Variants in SPOCK3 observed in about 807,000 individuals in gnomAD.
The protein encoded by SPOCK3 is testican-3.
Under a neutral mutation model 56.6 loss-of-function variants are expected in SPOCK3, and 30 were observed. That is an observed-to-expected ratio of 0.53 (90% CI 0.40 to 0.72). SPOCK3 has a LOEUF of 0.72. SPOCK3 is among the 30% of genes least tolerant of loss of function. SPOCK3 has a pLI of 0.00. For synonymous variants in SPOCK3, 196 were observed against 183.3 expected, an observed-to-expected ratio of 1.07 and a Z score of -0.56; for missense variants, 527 against 530.0, an observed-to-expected ratio of 0.99 and a Z score of 0.06.
In SPOCK3 at chr4:166,873,671, CCTTT is replaced by C. The variant is rs542562458; in HGVS notation, c.589+15455_589+15458del. Among the ~76,000 whole-genome samples, 210 of 152,190 alleles carry C rather than the reference CCTTT, an allele frequency of 1.4e-3. 1 individual carries two copies. The highest frequency in any genetic ancestry group is 4.9e-3 in the African/African-American group (203 of 41,522). On this transcript the variant is annotated intron_variant, in intron 6 of 10. Coordinates refer to ENST00000357545, the MANE Select transcript of SPOCK3 (RefSeq NM_001040159.2). ...TCATAGTGTAGATAAATTCTGATGT[CCTTT>C]CTTTAAGATTCCCTGTTACTACTAA...
intron 6 of SPOCK3, among the ~76,000 whole-genome samples, chr4:166,843,518 T>A (rs1013266255): frequency 1.2e-4 from 19 of 152,234 alleles, no homozygotes; most frequent in African/African-American, 4.6e-4. Context: ...GCAGCAAAAA[T>A]TATCTTACTC....
chr4:166,788,063 T>A (rs2126640752), intron 7 of SPOCK3, among the ~76,000 whole-genome samples: 1 of 152,034 alleles, frequency 6.6e-6, no homozygotes, highest in East Asian at 1.9e-4. Flanking sequence ...ACACCAGTAA[T>A]CCCAGCTATT....
intron 2 of SPOCK3, among the ~76,000 whole-genome samples, chr4:167,085,444 AC>A (rs1758107024): frequency 6.6e-6 from 1 of 152,112 alleles, no homozygotes; most frequent in Admixed American, 6.6e-5. Flanking sequence ...TCTTTCCATG[AC>A]CATTTTTAAG....
intron 2 of SPOCK3, among the ~76,000 whole-genome samples, chr4:167,192,965 T>A (rs1309380568): frequency 6.8e-6 from 1 of 146,212 alleles, no homozygotes; most frequent in African/African-American, 2.6e-5. Flanking sequence ...AATACGACAC[T>A]TGAAATAATC....
chr4:166,736,899 T>C (rs886353079), intron 10 of SPOCK3, among the ~76,000 whole-genome samples: 8 of 152,110 alleles, frequency 5.3e-5, no homozygotes, highest in African/African-American at 1.9e-4. Flanking sequence ...AATATATACA[T>C]AAAAAATGCA....
chr4:167,157,302 CAT>C (rs560581134), intron 2 of SPOCK3, among the ~76,000 whole-genome samples: 219 of 152,090 alleles, frequency 1.4e-3, no homozygotes, highest in Middle Eastern at 3.4e-3. Context: ...AGTATTATCT[CAT>C]GACTTCGGAA....
At chr4:166,990,487 A>G (rs1212010731) in intron 4 of SPOCK3, among the ~76,000 whole-genome samples, 1 of 152,120 alleles carries the variant, frequency 6.6e-6, no homozygotes, top group Non-Finnish European at 1.5e-5. Flanking sequence ...AAGATTATTC[A>G]GGCTGAAATA....
At chr4:167,228,480 CAG>C (rs1197094723) in intron 2 of SPOCK3, among the ~76,000 whole-genome samples, 1 of 152,154 alleles carries the variant, frequency 6.6e-6, no homozygotes, top group African/African-American at 2.4e-5. Flanking sequence ...TACCTCCTGA[CAG>C]AGTCTGATAA....
intron 2 of SPOCK3, among the ~76,000 whole-genome samples, chr4:167,134,022 CT>C (rs34410893): frequency 0.18 from 14,617 of 81,326 alleles, 356 homozygotes; most frequent in East Asian, 0.36. Context: ...ACACCTTTTT[CT>C]TTTTTTTTTT....
chr4:166,880,701 C>A (rs987849309), intron 6 of SPOCK3, among the ~76,000 whole-genome samples: 1 of 152,268 alleles, frequency 6.6e-6, no homozygotes, highest in South Asian at 2.1e-4. Context: ...CCTCTCCTTT[C>A]CTAAAGTCAA....
chr4:166,831,096 TTTTAA>T (rs1433889942), intron 6 of SPOCK3, among the ~76,000 whole-genome samples: 2 of 152,184 alleles, frequency 1.3e-5, no homozygotes, highest in East Asian at 1.9e-4. Flanking sequence ...TCTGTAGGAA[TTTTAA>T]TTTGTTATCG....
At chr4:166,899,508 C>CTTCTT (rs1553997548) in intron 5 of SPOCK3, among the ~76,000 whole-genome samples, 1 of 119,100 alleles carries the variant, frequency 8.4e-6, no homozygotes, top group Non-Finnish European at 1.7e-5. Context: ...TTCTTTCTTT[C>CTTCTT]TTTTTTTTTT....
At chr4:167,217,077 TA>T (rs1735434870) in intron 2 of SPOCK3, among the ~76,000 whole-genome samples, 1 of 152,104 alleles carries the variant, frequency 6.6e-6, no homozygotes, top group Admixed American at 6.6e-5. Context: ...AACAATTTGT[TA>T]AACACGGTGA....
chr4:166,924,150 G>C (rs1175793926), intron 4 of SPOCK3, among the ~76,000 whole-genome samples: 3 of 152,082 alleles, frequency 2.0e-5, no homozygotes, highest in Admixed American at 2.0e-4. Flanking sequence ...ACTTGCCTCT[G>C]AATTCAAACA....
At chr4:167,006,044 G>A (rs527660059) in intron 3 of SPOCK3, among the ~76,000 whole-genome samples, 122 of 152,104 alleles carry the variant, frequency 8.0e-4, no homozygotes, top group African/African-American at 2.8e-3. Flanking sequence ...GCATTTGGAT[G>A]GGATATTTTA....
At chr4:167,170,148 A>C (rs1580504177) in intron 2 of SPOCK3, among the ~76,000 whole-genome samples, 1 of 152,166 alleles carries the variant, frequency 6.6e-6, no homozygotes, top group Non-Finnish European at 1.5e-5. Flanking sequence ...TTCAATTCAA[A>C]AGACTAGTCA....
intron 10 of SPOCK3, 110 bp downstream of exon 10, chr4:166,737,357 A>T (rs1734314953): frequency 1.7e-6 from 2 of 1,161,898 alleles, no homozygotes; most frequent in Non-Finnish European, 2.4e-6. Context: ...GATATTCTAC[A>T]GTCTTTGCAT....
At chr4:167,185,940 C>T (rs971130491) in intron 2 of SPOCK3, among the ~76,000 whole-genome samples, 17 of 152,190 alleles carry the variant, frequency 1.1e-4, no homozygotes, top group African/African-American at 4.1e-4. Context: ...ATGCTTTGTA[C>T]TATTTCCAAA....
chr4:167,205,638 G>A (rs1007736465), intron 2 of SPOCK3, among the ~76,000 whole-genome samples: 10 of 116,572 alleles, frequency 8.6e-5, no homozygotes, highest in East Asian at 2.2e-4. Flanking sequence ...TTCCTGAGAC[G>A]GAGTCACTCT....
Sources: gnomAD v4.1 joint callset for allele counts (sites outside exome capture counted in the v4.1 genomes callset) on GRCh38, gnomAD v4.1.1 for gene constraint, MANE v1.5 for transcripts, NCBI Gene and HGNC (gene_info 2026-07-23, HGNC 2026-07-21) for gene names.